Variants in SNRPN observed in about 807,000 individuals in gnomAD.
SNRPN encodes small nuclear ribonucleoprotein polypeptide N.
Under a neutral mutation model 25.2 loss-of-function variants are expected in SNRPN, and 7 were observed. That is an observed-to-expected ratio of 0.28 (90% CI 0.16 to 0.52). SNRPN has a LOEUF of 0.52. Ranked by LOEUF, SNRPN falls within the 20% of genes least tolerant of loss-of-function variation. The pLI is 0.96. For synonymous variants in SNRPN, 124 were observed against 110.6 expected (o/e 1.12, Z -0.76); for missense variants, 196 against 322.5 (o/e 0.61, Z 3.00).
At chr15:24,917,352 G>A (rs1335890992) in intron 2 of SNRPN, among the ~76,000 whole-genome samples, 1 of 152,150 alleles carries the variant, frequency 6.6e-6, no homozygotes, top group East Asian at 1.9e-4. Context: ...ATGGATGTAT[G>A]TTTTATAGTA....
Position 24,832,469 on chromosome 15 carries a change from G to A in SNRPN, c.-579+2564G>A, listed in dbSNP as rs2141670209. On this transcript the variant is annotated intron_variant, in intron 2 of 12. Coordinates refer to the SNRPN transcript ENST00000400100. ...TTTAAAATGCACTAATCAGCGCTCT[G>A]TAAAATGCACCAGTCAGCAGGATTC... 3.3e-5 allele frequency among the ~76,000 whole-genome samples: 5 copies of A among 152,092 alleles called. 1 individual carries two copies. The Middle Eastern group carries it at 0.014, about 414-fold the overall frequency.
intron 2 of SNRPN, chr15:24,910,875 T>G: frequency 1.6e-6 from 1 of 624,052 alleles, no homozygotes; most frequent in Non-Finnish European, 2.8e-6. Context: ...GTGCTTTTAG[T>G]GCTGCTTTCT....
chr15:24,865,089 C>T (rs1469701204), intron 1 of SNRPN, among the ~76,000 whole-genome samples: 2 of 150,448 alleles, frequency 1.3e-5, no homozygotes, highest in Non-Finnish European at 3.0e-5. Flanking sequence ...CTCTGTCCCC[C>T]AGGCTGGAGT....
intron 1 of SNRPN, among the ~76,000 whole-genome samples, chr15:24,886,319 A>G (rs556373918): frequency 6.6e-6 from 1 of 152,262 alleles, no homozygotes; most frequent in African/African-American, 2.4e-5. Context: ...TCCAACCACT[A>G]GTCCCCACCC....
chr15:24,826,408 T>C (rs10873595), intron 1 of SNRPN, among the ~76,000 whole-genome samples: 152,142 of 152,248 alleles, frequency 1, 76,018 homozygotes, highest in Middle Eastern at 1. Flanking sequence ...TGCCTCACAT[T>C]CCTCAGGTAT....
chr15:24,887,633 T>A (rs2057312843), intron 2 of SNRPN, among the ~76,000 whole-genome samples: 2 of 152,118 alleles, frequency 1.3e-5, no homozygotes, highest in Non-Finnish European at 2.9e-5. Context: ...TTGTATACAT[T>A]GGAGATTCAG....
At chr15:24,934,266 C>G (rs921382195) in intron 3 of SNRPN, among the ~76,000 whole-genome samples, 22 of 152,038 alleles carry the variant, frequency 1.4e-4, no homozygotes, top group Non-Finnish European at 4.4e-5. Context: ...CCATTGCACT[C>G]TAGCCTGGGC....
intron 1 of SNRPN, among the ~76,000 whole-genome samples, chr15:24,864,229 C>G (rs2147942611): frequency 2.1e-5 from 3 of 140,402 alleles, no homozygotes; most frequent in South Asian, 4.3e-4. Context: ...GGGGTTTCAC[C>G]ATGTTAGCCA....
chr15:24,902,008 G>A lies in SNRPN; in HGVS notation c.-505+15419G>A, dbSNP rs111828496. ...ATAAGAGAAACTGAGAAATTGTAAC[G>A]TAAGACAAGATCTAATATTATTTTT... On this transcript the variant is annotated intron_variant, in intron 2 of 11. Coordinates refer to the SNRPN transcript ENST00000400097. Among the ~76,000 whole-genome samples, 16 of 152,248 alleles carry A rather than the reference G, an allele frequency of 1.1e-4. 1 individual carries two copies. Among genetic ancestry groups the A allele is most frequent in the East Asian group, 7.7e-4 (4 of 5,182 alleles).
chr15:24,969,632 C>T (rs1045309386), intron 3 of SNRPN, among the ~76,000 whole-genome samples: 3 of 152,190 alleles, frequency 2.0e-5, no homozygotes, highest in African/African-American at 4.8e-5. Flanking sequence ...TTTAGCTTCT[C>T]AGTTCAGTTC....
intron 1 of SNRPN, among the ~76,000 whole-genome samples, chr15:24,869,367 A>G (rs1033763065): frequency 6.6e-6 from 1 of 152,164 alleles, no homozygotes; most frequent in African/African-American, 2.4e-5. Flanking sequence ...GTCACAATTC[A>G]TAATTCAGTA....
chr15:24,969,502 A>C (rs2076132800), intron 3 of SNRPN, among the ~76,000 whole-genome samples: 1 of 152,080 alleles, frequency 6.6e-6, no homozygotes, highest in African/African-American at 2.4e-5. Flanking sequence ...TATACACAAC[A>C]TTTTCTAGCA....
At chr15:24,930,056 A>G (rs982553521) in intron 3 of SNRPN, among the ~76,000 whole-genome samples, 55 of 152,146 alleles carry the variant, frequency 3.6e-4, no homozygotes, top group Non-Finnish European at 4.4e-4. Flanking sequence ...GCGTGGTGGC[A>G]GGTGCCTGTA....
intron 3 of SNRPN, among the ~76,000 whole-genome samples, chr15:24,937,865 A>G (rs149899739): frequency 1.1e-3 from 175 of 152,308 alleles, no homozygotes; most frequent in East Asian, 5.8e-3. Context: ...GGAATCATAC[A>G]GTATTTGTCC....
At chr15:24,959,770 C>T (rs1391960033) in intron 1 of SNRPN, among the ~76,000 whole-genome samples, 4 of 152,052 alleles carry the variant, frequency 2.6e-5, no homozygotes, top group Admixed American at 6.6e-5. Context: ...TTTCTTCATT[C>T]GTAAGTTGAT....
intron 1 of SNRPN, among the ~76,000 whole-genome samples, chr15:24,958,146 T>G (rs2063219734): frequency 6.6e-6 from 1 of 152,240 alleles, no homozygotes; most frequent in Admixed American, 6.5e-5. Flanking sequence ...ACATTTATAG[T>G]TACTCTGTAT....
At chr15:24,855,857 T>C (rs1363005849), upstream of SNRPN, among the ~76,000 whole-genome samples, 1 of 147,312 alleles carries the variant, frequency 6.8e-6, no homozygotes, top group East Asian at 2.0e-4. Context: ...TAGATGTAAA[T>C]CCTGTGTTAA....
intron 2 of SNRPN, among the ~76,000 whole-genome samples, chr15:24,904,179 G>A (rs548523354): frequency 2.0e-5 from 3 of 152,286 alleles, no homozygotes; most frequent in South Asian, 4.1e-4. Flanking sequence ...CAGTGTGTGA[G>A]GGAACACAAT....
At chr15:24,865,676 T>C (rs977144790) in intron 1 of SNRPN, among the ~76,000 whole-genome samples, 4 of 152,324 alleles carry the variant, frequency 2.6e-5, no homozygotes, top group African/African-American at 9.6e-5. Context: ...TCTTCAACTA[T>C]AGGGGTGAGT....
Sources: allele counts gnomAD v4.1 joint callset (sites outside exome capture counted in the v4.1 genomes callset), GRCh38; gene constraint gnomAD v4.1.1; transcripts MANE v1.5; gene names NCBI Gene and HGNC (gene_info 2026-07-23, HGNC 2026-07-21).